PCDH9: variants seen among roughly 807,000 people sequenced by gnomAD.
The protein encoded by PCDH9 is protocadherin 9.
In PCDH9, 24 loss-of-function variants were observed where a neutral mutation model predicts 70.6. The observed-to-expected ratio is 0.34, with a 90% CI of 0.25 to 0.48. The LOEUF (loss-of-function observed/expected upper bound fraction) is 0.48. Among genes scored for constraint, PCDH9 ranks in the 20% least tolerant of loss-of-function variants. The probability of loss-of-function intolerance (pLI) is 0.99; values close to 1 mark genes in which losing one functional copy is unlikely to be tolerated. For missense variants in PCDH9, 1,281 were observed against 1,503.6 expected (o/e 0.85, Z 2.45); for synonymous variants, 562 against 558.5 (o/e 1.01, Z -0.09).
intron 4 of PCDH9, among the ~76,000 whole-genome samples, chr13:66,428,449 T>C (rs1324379327): frequency 6.6e-6 from 1 of 151,746 alleles, no homozygotes; most frequent in Non-Finnish European, 1.5e-5. Context: ...ATAGAATACA[T>C]ATAAAATTGT....
At position 67,061,745 on chromosome 13, in the gene PCDH9, G is replaced by C. The variant is rs1289931767; in HGVS notation, c.3037-158140C>G. On this transcript the variant is annotated intron_variant, in intron 2 of 4. Coordinates refer to ENST00000377865, the MANE Select transcript of PCDH9 (RefSeq NM_203487.3). ...AAAATGAATTATACACATGTTCTTA[G>C]TGGGTTTACAGATAAAGAAAAACAA... 6.6e-5 allele frequency among the ~76,000 whole-genome samples: 10 copies of C among 152,174 alleles called. No individual in the cohort carries two copies. The South Asian group carries it at 2.1e-3, about 32-fold the overall frequency.
chr13:66,840,725 T>C (rs2081102233), intron 3 of PCDH9, among the ~76,000 whole-genome samples: 1 of 152,222 alleles, frequency 6.6e-6, no homozygotes, highest in Non-Finnish European at 1.5e-5. Flanking sequence ...CTACATTGAG[T>C]ATTTCTGTTG....
intron 2 of PCDH9, among the ~76,000 whole-genome samples, chr13:67,012,541 A>G (rs28623094): frequency 0.16 from 24,947 of 151,980 alleles, 2,173 homozygotes; most frequent in Middle Eastern, 0.24. Flanking sequence ...GAACACTGAT[A>G]AGAAAATTCT....
intron 4 of PCDH9, among the ~76,000 whole-genome samples, chr13:66,368,742 G>T (rs1208536778): frequency 6.6e-6 from 1 of 151,992 alleles, no homozygotes; most frequent in African/African-American, 2.4e-5. Flanking sequence ...AAATAAAGAG[G>T]TTTAATGGAC....
At chr13:67,158,685 T>A (rs1322898879) in intron 2 of PCDH9, among the ~76,000 whole-genome samples, 2 of 152,144 alleles carry the variant, frequency 1.3e-5, no homozygotes, top group South Asian at 2.1e-4. Context: ...GAGAAATAAA[T>A]TTGCTGTTGA....
intron 2 of PCDH9, among the ~76,000 whole-genome samples, chr13:66,905,838 G>C (rs12875389): frequency 1.3e-5 from 2 of 152,048 alleles, no homozygotes; most frequent in Non-Finnish European, 2.9e-5. Flanking sequence ...ACAGGTTCAG[G>C]TATATTCAGT....
chr13:66,563,739 C>G (rs1323399022), intron 4 of PCDH9, among the ~76,000 whole-genome samples: 1 of 152,164 alleles, frequency 6.6e-6, no homozygotes, highest in Admixed American at 6.5e-5. Context: ...AACCATTCCT[C>G]CATTCCTGAC....
At chr13:66,727,710 C>T (rs1330971164) in intron 3 of PCDH9, among the ~76,000 whole-genome samples, 4 of 152,112 alleles carry the variant, frequency 2.6e-5, no homozygotes, top group Non-Finnish European at 5.9e-5. Context: ...TATCCTCTCT[C>T]TCATCTTACA....
chr13:66,959,554 A>G (rs1333674208), intron 2 of PCDH9, among the ~76,000 whole-genome samples: 1 of 151,902 alleles, frequency 6.6e-6, no homozygotes, highest in Non-Finnish European at 1.5e-5. Context: ...AGAGTTTGAG[A>G]CCAGCCTGGG....
chr13:66,547,874 AATAAT>A (rs1961277228), intron 4 of PCDH9, among the ~76,000 whole-genome samples: 1 of 145,798 alleles, frequency 6.9e-6, no homozygotes, highest in African/African-American at 2.5e-5. Context: ...ATTATTATAT[AATAAT>A]ATGATATTTA....
At chr13:66,727,551 T>C (rs2079021476) in intron 3 of PCDH9, among the ~76,000 whole-genome samples, 1 of 152,136 alleles carries the variant, frequency 6.6e-6, no homozygotes, top group Non-Finnish European at 1.5e-5. Context: ...GGAAGTTAAA[T>C]TAAAATATAT....
At position 66,777,236 on chromosome 13, in the gene PCDH9, T is replaced by C. The variant is rs201582856; in HGVS notation, c.3138+126268A>G. Among the ~76,000 whole-genome samples the C allele has an allele frequency of 1.5e-3, 232 of 152,102 alleles. 3 individuals are homozygous for C. The East Asian group carries it at 0.026, about 17-fold the overall frequency. On this transcript the variant is annotated intron_variant, in intron 3 of 4. Coordinates refer to ENST00000377865, the MANE Select transcript of PCDH9 (RefSeq NM_203487.3). ...CAGGCATGGGCAAGGACTTCATGTC[T>C]AAAACACCAAAAGTAATGGCAACAA...
chr13:66,775,700 G>A (rs151156022), intron 3 of PCDH9, among the ~76,000 whole-genome samples: 26 of 152,230 alleles, frequency 1.7e-4, no homozygotes, highest in Admixed American at 2.6e-4. Context: ...TACATATAAC[G>A]TACACAATAT....
intron 4 of PCDH9, among the ~76,000 whole-genome samples, chr13:66,535,028 C>A (rs1235431731): frequency 6.6e-6 from 1 of 151,968 alleles, no homozygotes; most frequent in East Asian, 1.9e-4. Flanking sequence ...AGAAGCATTA[C>A]TGAGTCCTTT....
chr13:67,068,315 T>C (rs1180959922), intron 2 of PCDH9, among the ~76,000 whole-genome samples: 1 of 151,892 alleles, frequency 6.6e-6, no homozygotes, highest in East Asian at 1.9e-4. Flanking sequence ...TTATTAAAAG[T>C]TCATTTTTTC....
chr13:66,915,628 A>G (rs2082544573), intron 2 of PCDH9, among the ~76,000 whole-genome samples: 1 of 151,712 alleles, frequency 6.6e-6, no homozygotes, highest in Non-Finnish European at 1.5e-5. Flanking sequence ...TGTAAAATAT[A>G]TATACATAAC....
intron 4 of PCDH9, among the ~76,000 whole-genome samples, chr13:66,429,795 G>T (rs192290004): frequency 1.3e-5 from 2 of 152,182 alleles, no homozygotes; most frequent in Admixed American, 6.6e-5. Context: ...ACAGACAAGG[G>T]CACATCAGTG....
chr13:66,690,873 A>G (rs2078473977), intron 3 of PCDH9, among the ~76,000 whole-genome samples: 1 of 152,228 alleles, frequency 6.6e-6, no homozygotes. Context: ...AATGCAAGCA[A>G]GACCTCTGTC....
At chr13:66,759,660 TAG>T (rs1442692862) in intron 3 of PCDH9, among the ~76,000 whole-genome samples, 2 of 152,152 alleles carry the variant, frequency 1.3e-5, no homozygotes, top group Non-Finnish European at 2.9e-5. Context: ...GTATGTATTC[TAG>T]AGTTTTGCTT....
Sources: gnomAD v4.1 joint callset for allele counts (sites outside exome capture counted in the v4.1 genomes callset) on GRCh38, gnomAD v4.1.1 for gene constraint, MANE v1.5 for transcripts, NCBI Gene and HGNC (gene_info 2026-07-23, HGNC 2026-07-21) for gene names.